TAP2: variants seen among roughly 807,000 people sequenced by gnomAD.
The protein encoded by TAP2 is transporter 2, ATP binding cassette subfamily B member.
Under a neutral mutation model 74.7 loss-of-function variants are expected in TAP2, and 49 were observed. The observed-to-expected ratio is 0.66, with a 90% confidence interval of 0.52 to 0.83. The LOEUF is 0.83. TAP2 is among the 40% of genes least tolerant of loss of function. The pLI is 0.00. For synonymous variants in TAP2, 306 were observed against 368.4 expected, an observed-to-expected ratio of 0.83 and a Z score of 1.94; for missense variants, 739 against 859.0, an observed-to-expected ratio of 0.86 and a Z score of 1.75.
At chr6:32,830,972 C>G (rs770457456) in intron 7 of TAP2, among the ~76,000 whole-genome samples, 166 bp from the exon 8 acceptor site, 1 of 152,206 alleles carries the variant, frequency 6.6e-6, no homozygotes, top group East Asian at 1.9e-4. Flanking sequence ...AAAAGTGGCA[C>G]CAATACCCCA....
At chr6:32,823,101 G>A (rs1768407468), downstream of TAP2, among the ~76,000 whole-genome samples, 1 of 151,770 alleles carries the variant, frequency 6.6e-6, no homozygotes, top group Non-Finnish European at 1.5e-5. Flanking sequence ...TGTATTTTTG[G>A]TAGAGACAGG....
At chr6:32,833,814 T>C (rs757625627) in intron 5 of TAP2, among the ~76,000 whole-genome samples, 10 of 152,198 alleles carry the variant, frequency 6.6e-5, no homozygotes, top group Non-Finnish European at 1.3e-4. Flanking sequence ...TAGGAGGTAA[T>C]TGAATCATGA....
At chr6:32,837,686 C>A (rs1162054328) in intron 2 of TAP2, 35 bp from the exon 3 acceptor site, 5 of 1,614,036 alleles carry the variant, frequency 3.1e-6, no homozygotes, top group Non-Finnish European at 4.2e-6. Flanking sequence ...CAAGAATGTG[C>A]TGGTGCCCAG....
At chr6:32,829,297 C>A in intron 11 of TAP2, 103 bp downstream of exon 11, 1 of 1,519,984 alleles carries the variant, frequency 6.6e-7, no homozygotes, top group Non-Finnish European at 8.9e-7. Flanking sequence ...ACTGTTTCCA[C>A]TAGTAGGTCC....
chr6:32,828,686 ACC>A lies in TAP2; in HGVS notation c.*218_*219del. 3.5e-6 allele frequency: 2 copies of A among 579,342 alleles called. No homozygotes were observed. Among genetic ancestry groups the A allele is most frequent in the Non-Finnish European group, 2.0e-6 (1 of 493,736 alleles). The allele number at this position is 579,342 out of a possible 1,614,324, so 35.9% of individuals were successfully genotyped here. Reference sequence around the variant, plus strand: ...CCTGGACACAGACAGCCCCCACCCCACCCCACCCCACCTCTCTACCCCACCAA... The same window carrying A: ...CCTGGACACAGACAGCCCCCACCCCACCACCCCACCTCTCTACCCCACCAA... On this transcript the variant is annotated 3_prime_UTR_variant, in exon 12 of 12. Coordinates refer to ENST00000374897, the MANE Select transcript of TAP2 (RefSeq NM_001290043.2).
intron 7 of TAP2, among the ~76,000 whole-genome samples, chr6:32,831,196 T>C (rs1025429218): frequency 2.0e-5 from 3 of 152,180 alleles, no homozygotes; most frequent in Non-Finnish European, 4.4e-5. Context: ...ACAAAAAAGA[T>C]GTTTATCAAG....
chr6:32,834,911 A>G (rs1205703403), intron 5 of TAP2, among the ~76,000 whole-genome samples: 1 of 151,952 alleles, frequency 6.6e-6, no homozygotes, highest in Non-Finnish European at 1.5e-5. Flanking sequence ...TCCCTCCCCC[A>G]TACCTTCACA....
chr6:32,833,885 T>G (rs1185496515), intron 5 of TAP2, among the ~76,000 whole-genome samples: 1 of 152,176 alleles, frequency 6.6e-6, no homozygotes, highest in African/African-American at 2.4e-5. Context: ...ATATAATGGT[T>G]TTAAAAAGGG....
In TAP2 at chr6:32,828,701, T is replaced by TC; in HGVS notation, c.*204dup. On this transcript the variant is annotated 3_prime_UTR_variant, in exon 12 of 12. Coordinates refer to ENST00000374897, the MANE Select transcript of TAP2 (RefSeq NM_001290043.2). ...CCCCCACCCCACCCCACCCCACCTC[T>TC]CTACCCCACCAAAAGCACACAGTGT... The TC allele has an allele frequency of 5.5e-6, 3 of 546,430 alleles. No individual in the cohort carries two copies. The highest frequency in any genetic ancestry group is 1.2e-4 in the South Asian group (2 of 16,402). The allele number at this position is 546,430 out of a possible 1,614,324, so 33.8% of individuals were successfully genotyped here.
At chr6:32,829,789 T>G in intron 10 of TAP2, 141 bp downstream of exon 10, 1 of 1,235,242 alleles carries the variant, frequency 8.1e-7, no homozygotes. Context: ...ATTCAGTGTG[T>G]GGGGAAGGAG....
chr6:32,827,409 A>G lies in TAP2; in HGVS notation c.*1497T>C. On this transcript the variant is annotated 3_prime_UTR_variant, in exon 12 of 12. Transcript: ENST00000374897. ...TAGCAGATATAAAGCTTAATAAGAT[A>G]TATGGCTTTCCGCCCAGGTGCTCAT... 2.2e-6 allele frequency: 2 copies of G among 898,556 alleles called. No homozygotes were observed. Among genetic ancestry groups the G allele is most frequent in the Non-Finnish European group, 2.7e-6 (2 of 750,926 alleles). The allele number at this position is 898,556 out of a possible 1,614,324, so 55.7% of individuals were successfully genotyped here. A position where few individuals can be genotyped will look rare whatever the true frequency, so the allele number is the denominator to read the frequency against.
chr6:32,824,689 T>C (rs1223198868), downstream of TAP2, among the ~76,000 whole-genome samples: 2 of 152,178 alleles, frequency 1.3e-5, no homozygotes, highest in Non-Finnish European at 2.9e-5. Context: ...GAATTTTAAA[T>C]TCTAATTATA....
rs1769383628 is a variant in TAP2 at position 32,835,815 on chromosome 6, G to A, written c.609-42C>T. 1.2e-6 allele frequency: 2 copies of A among 1,612,684 alleles called. No individual in the cohort carries two copies. The highest frequency in any genetic ancestry group is 1.7e-5 in the Admixed American group (1 of 59,996). On this transcript the variant is annotated intron_variant, in intron 3 of 11. Coordinates refer to ENST00000374897, the MANE Select transcript of TAP2 (RefSeq NM_001290043.2). The surrounding 1 kb of genome is among the most constrained non-coding windows in gnomAD (Gnocchi z 4.0). ...TAAGAGGGGAGGGAGATGCAGAGAAGGAGCAAGCCAGCGGGTGAAACAGAG... is the reference window on the plus strand; with the variant it reads ...TAAGAGGGGAGGGAGATGCAGAGAAAGAGCAAGCCAGCGGGTGAAACAGAG...
Position 32,832,025 on chromosome 6 carries a change from C to A in TAP2, c.1272+308G>T, listed in dbSNP as rs1312222403. On this transcript the variant is annotated intron_variant, in intron 7 of 11. Coordinates refer to ENST00000374897, the MANE Select transcript of TAP2 (RefSeq NM_001290043.2). This position sits in a 1 kb window ranked among gnomAD's most constrained non-coding sequence, Gnocchi z 5.9. ...TTTAAGAAACATACTGAAATATTTACAGATGAAAGTATACAATATCTTGGA... is the reference window on the plus strand; with the variant it reads ...TTTAAGAAACATACTGAAATATTTAAAGATGAAAGTATACAATATCTTGGA... Among the ~76,000 whole-genome samples the A allele has an allele frequency of 1.3e-5, 2 of 152,070 alleles. No homozygotes were observed. The highest frequency in any genetic ancestry group is 4.8e-5 in the African/African-American group (2 of 41,392).
chr6:32,836,543 T>G (rs1316750495), intron 3 of TAP2, among the ~76,000 whole-genome samples: 1 of 152,152 alleles, frequency 6.6e-6, no homozygotes. Context: ...CATCATAGAG[T>G]GTACTTACAC....
chr6:32,824,839 C>T (rs78184001), downstream of TAP2, among the ~76,000 whole-genome samples: 10,203 of 152,082 alleles, frequency 0.067, 673 homozygotes, highest in African/African-American at 0.18. Context: ...TCTCATGTCA[C>T]TTGTGGTTGC....
downstream of TAP2, among the ~76,000 whole-genome samples, chr6:32,823,099 T>C (rs961048158): frequency 9.2e-5 from 14 of 152,030 alleles, no homozygotes; most frequent in Non-Finnish European, 1.8e-4. Context: ...TTTGTATTTT[T>C]GGTAGAGACA....
Position 32,835,205 on chromosome 6 carries a change from C to CA in TAP2, c.893dup (p.His299AlafsTer53), listed in dbSNP as rs1562335109. 1 of 1,613,026 alleles carries CA rather than the reference C, an allele frequency of 6.2e-7. No individual in the cohort carries two copies. Among genetic ancestry groups the CA allele is most frequent in the Non-Finnish European group, 8.5e-7 (1 of 1,180,022 alleles). On this transcript the variant is annotated frameshift_variant, in exon 5 of 12. Coordinates refer to ENST00000374897, the MANE Select transcript of TAP2 (RefSeq NM_001290043.2). LOFTEE classifies it high-confidence loss of function. This position sits in a 1 kb window ranked among gnomAD's most constrained non-coding sequence, Gnocchi z 4.0. Reference sequence around the variant, plus strand: ...CCGCTGCTATTGTGAAGGGCATGTGCAGCAGAGAAAGGAGGGTGAGTCGAG... The same window carrying CA: ...CCGCTGCTATTGTGAAGGGCATGTGCAAGCAGAGAAAGGAGGGTGAGTCGAG...
intron 5 of TAP2, among the ~76,000 whole-genome samples, chr6:32,833,878 T>C (rs866798065): frequency 5.3e-5 from 8 of 152,278 alleles, no homozygotes; most frequent in South Asian, 2.1e-4. Flanking sequence ...TCACGAGATA[T>C]AATGGTTTTA....
Sources: allele counts gnomAD v4.1 joint callset (sites outside exome capture counted in the v4.1 genomes callset), GRCh38; gene constraint gnomAD v4.1.1; non-coding constraint Gnocchi (gnomAD v3.1); transcripts MANE v1.5; gene names NCBI Gene and HGNC (gene_info 2026-07-23, HGNC 2026-07-21).